BRSK2: variants seen among roughly 807,000 people sequenced by gnomAD.
The protein encoded by BRSK2 is BR serine/threonine kinase 2, also known as serine/threonine-protein kinase BRSK2.
In BRSK2, 19 loss-of-function variants were observed where a neutral mutation model predicts 83.3. That is an observed-to-expected ratio of 0.23 (90% CI 0.16 to 0.33). The LOEUF (loss-of-function observed/expected upper bound fraction) is 0.33, where lower values mean the gene tolerates loss of function less well. Among genes scored for constraint, BRSK2 ranks in the 10% least tolerant of loss-of-function variants. BRSK2 has a pLI of 1.00. For missense variants in BRSK2, 798 were observed against 1,042.3 expected (o/e 0.77, Z 3.23); for synonymous variants, 519 against 435.4 (o/e 1.19, Z -2.39).
chr11:1,396,346 C>A (rs1019187880), intron 1 of BRSK2, among the ~76,000 whole-genome samples: 3 of 152,154 alleles, frequency 2.0e-5, no homozygotes, highest in Admixed American at 2.0e-4. Context: ...AGGCCTGTAC[C>A]CCAGGACACC....
chr11:1,433,626 C>T (rs1276896708), intron 1 of BRSK2, among the ~76,000 whole-genome samples: 6 of 152,248 alleles, frequency 3.9e-5, no homozygotes, highest in Admixed American at 1.3e-4. Flanking sequence ...ACCCCTGCCC[C>T]GGGATGCAGG....
Position 1,390,822 on chromosome 11 carries a change from C to G in BRSK2, c.91+447C>G, listed in dbSNP as rs1426428271. 1.3e-5 allele frequency among the ~76,000 whole-genome samples: 2 copies of G among 152,132 alleles called. No individual in the cohort carries two copies. Among genetic ancestry groups the G allele is most frequent in the Non-Finnish European group, 2.9e-5 (2 of 67,988 alleles). On this transcript the variant is annotated intron_variant, in intron 1 of 19. Transcript: ENST00000528841. This position sits in a 1 kb window ranked among gnomAD's most constrained non-coding sequence, Gnocchi z 6.8. ...GCGCCCCCGGCGGGACTCCCACCTC[C>G]GCGCGCCGGCCACCGGGGCCTCCGG... is the stretch of plus-strand genomic sequence containing the variant.
chr11:1,460,175 C>T (rs896355601), intron 19 of BRSK2, among the ~76,000 whole-genome samples: 3 of 152,142 alleles, frequency 2.0e-5, no homozygotes, highest in African/African-American at 7.2e-5. Context: ...CCTCGCTTCG[C>T]CAAAGGAGCA....
In BRSK2 at chr11:1,450,751, C is replaced by T. The variant is rs764608294; in HGVS notation, c.1452C>T (p.Asn484=). ...PWRARLNSIK[N]SFLGSPRFHR... is the part of the protein sequence containing the mutation. ...GGGCGCGGCTCAACTCCATCAAGAA[C>T]AGCTTTCTGGGCTCACCCCGCTTCC... The change falls in exon 14 of 20, where the codon AAC becomes AAT. Residue 484 remains asparagine (N), a synonymous_variant. Transcript: ENST00000528841. 1.9e-6 allele frequency: 3 copies of T among 1,597,950 alleles called. No individual in the cohort carries two copies. The highest frequency in any genetic ancestry group is 2.3e-5 in the East Asian group (1 of 44,316).
intron 12 of BRSK2, among the ~76,000 whole-genome samples, chr11:1,447,074 C>T (rs1485429789): frequency 6.6e-6 from 1 of 151,980 alleles, no homozygotes; most frequent in Non-Finnish European, 1.5e-5. Context: ...GTCCTAGGCC[C>T]TCCCCAGGGT....
chr11:1,420,325 C>T (rs1424414077), intron 1 of BRSK2, among the ~76,000 whole-genome samples: 1 of 152,216 alleles, frequency 6.6e-6, no homozygotes, highest in Non-Finnish European at 1.5e-5. Flanking sequence ...CAGGGCTGTC[C>T]CAACCTGTGC....
chr11:1,442,737 C>A, intron 5 of BRSK2, 131 bp downstream of exon 5: 2 of 733,976 alleles, frequency 2.7e-6, no homozygotes, highest in Non-Finnish European at 4.6e-6. Context: ...CCACAATGTG[C>A]CTGAGCCTCC....
intron 12 of BRSK2, among the ~76,000 whole-genome samples, chr11:1,446,976 C>T (rs1401348857): frequency 7.9e-5 from 12 of 152,242 alleles, no homozygotes; most frequent in African/African-American, 2.2e-4. Flanking sequence ...GCTTGGCAGC[C>T]ATCAGGCTAA....
chr11:1,443,805 G>A (rs1216749250), intron 8 of BRSK2, among the ~76,000 whole-genome samples, 170 bp downstream of exon 8: 1 of 151,742 alleles, frequency 6.6e-6, no homozygotes, highest in East Asian at 1.9e-4. Context: ...TTCAGGTGTG[G>A]GTGACCAAAT....
At chr11:1,400,849 C>T (rs957588406) in intron 1 of BRSK2, among the ~76,000 whole-genome samples, 5 of 152,250 alleles carry the variant, frequency 3.3e-5, no homozygotes, top group Non-Finnish European at 7.3e-5. Flanking sequence ...CCTGTCTAGC[C>T]ATGGCCCTCC....
At chr11:1,424,508 G>A (rs908567598) in intron 1 of BRSK2, among the ~76,000 whole-genome samples, 1 of 152,232 alleles carries the variant, frequency 6.6e-6, no homozygotes, top group Non-Finnish European at 1.5e-5. Flanking sequence ...CTTCACTGGG[G>A]TGGGGCCAAG....
chr11:1,400,061 G>A (rs1846372014), intron 1 of BRSK2, among the ~76,000 whole-genome samples: 1 of 152,212 alleles, frequency 6.6e-6, no homozygotes, highest in Non-Finnish European at 1.5e-5. Flanking sequence ...CCAAAGGGCC[G>A]TTATCACCCT....
Position 1,390,724 on chromosome 11 carries a change from G to C in BRSK2, c.91+349G>C, listed in dbSNP as rs35961205. ...AGCGACCGGGCCCATTGTGCCGCGG[G>C]AGGAGGGGGCCGCGCGGGCGCCCAT... is the stretch of plus-strand genomic sequence containing the variant. On this transcript the variant is annotated intron_variant, in intron 1 of 19. Transcript: ENST00000528841. The surrounding 1 kb of genome is among the most constrained non-coding windows in gnomAD (Gnocchi z 6.8). Among the ~76,000 whole-genome samples the C allele has an allele frequency of 1.3e-5, 2 of 151,248 alleles. No individual in the cohort carries two copies. Among genetic ancestry groups the C allele is most frequent in the African/African-American group, 4.8e-5 (2 of 41,294 alleles).
intron 1 of BRSK2, among the ~76,000 whole-genome samples, chr11:1,413,316 C>A (rs912584610): frequency 1.6e-4 from 25 of 152,270 alleles, no homozygotes; most frequent in Non-Finnish European, 2.5e-4. Context: ...CTGGCCCACC[C>A]CTCCCACCCC....
intron 13 of BRSK2, among the ~76,000 whole-genome samples, chr11:1,450,334 C>T (rs757580994): frequency 3.3e-5 from 5 of 152,132 alleles, no homozygotes; most frequent in African/African-American, 4.8e-5. Flanking sequence ...GGCCTGGACA[C>T]GTCCTCCCTC....
At chr11:1,457,026 G>A (rs1458294650) in intron 18 of BRSK2, 4 of 1,593,922 alleles carry the variant, frequency 2.5e-6, no homozygotes, top group Middle Eastern at 1.7e-4. Context: ...CACCAGCTAC[G>A]AGAGTAGCCT....
At chr11:1,401,527 C>G (rs1201782146) in intron 1 of BRSK2, among the ~76,000 whole-genome samples, 1 of 152,210 alleles carries the variant, frequency 6.6e-6, no homozygotes, top group Non-Finnish European at 1.5e-5. Context: ...GGGAACATCA[C>G]TCCTGGGCCA....
At position 1,449,827 on chromosome 11, in the gene BRSK2, C is replaced by T; in HGVS notation, c.1278C>T (p.Ser426=). ...CAGGCCTTTCCACCAGCCCACTCAG[C>T]AGCCCCCGGGTGAGTGACCCCCCGC... is the stretch of plus-strand genomic sequence containing the variant. ...ASSGLSTSPL[S]SPRVTPHPSP... Residue 426 remains serine (S), a synonymous_variant, in exon 13 of 20, where the codon AGC becomes AGT. Transcript: ENST00000528841. 3.1e-6 allele frequency: 5 copies of T among 1,611,810 alleles called. No individual in the cohort carries two copies. The highest frequency in any genetic ancestry group is 3.4e-6 in the Non-Finnish European group (4 of 1,179,284).
At chr11:1,457,457 G>T (rs879691053) in intron 18 of BRSK2, among the ~76,000 whole-genome samples, 3 of 152,170 alleles carry the variant, frequency 2.0e-5, no homozygotes, top group Non-Finnish European at 4.4e-5. Flanking sequence ...AGGACCCGAG[G>T]GTCCGTGCCA....
Sources: gnomAD v4.1 joint callset for allele counts (sites outside exome capture counted in the v4.1 genomes callset) on GRCh38, gnomAD v4.1.1 for gene constraint, Gnocchi (gnomAD v3.1) non-coding constraint, MANE v1.5 for transcripts, NCBI Gene and HGNC (gene_info 2026-07-23, HGNC 2026-07-21) for gene names.